Variants in TYW1B observed in about 807,000 individuals in gnomAD.
TYW1B encodes S-adenosyl-L-methionine-dependent tRNA 4-demethylwyosine synthase TYW1B.
A neutral mutation model predicts 86.9 loss-of-function variants in TYW1B; 73 were observed. The observed-to-expected ratio is 0.84, with a 90% CI of 0.70 to 1.02. The LOEUF is 1.02. Ranked by LOEUF, TYW1B falls within the 50% of genes least tolerant of loss-of-function variation. The pLI, the probability that TYW1B is intolerant of heterozygous loss-of-function variation, is 0.00. For missense variants in TYW1B, 637 were observed against 827.4 expected, an observed-to-expected ratio of 0.77 and a Z score of 2.82; for synonymous variants, 248 against 292.8, an observed-to-expected ratio of 0.85 and a Z score of 1.56.
At chr7:72,638,503 A>T (rs1284889206) in intron 11 of TYW1B, among the ~76,000 whole-genome samples, 1 of 152,144 alleles carries the variant, frequency 6.6e-6, no homozygotes. Flanking sequence ...AAACTAGGAA[A>T]ATTTTCTCAA....
intron 13 of TYW1B, among the ~76,000 whole-genome samples, chr7:72,608,312 C>T (rs1334636683): frequency 1.2e-4 from 18 of 152,258 alleles, no homozygotes; most frequent in African/African-American, 3.9e-4. Context: ...TTCTAAGTTA[C>T]CTTTGATAGT....
At chr7:72,695,038 T>C (rs1321733792) in intron 10 of TYW1B, among the ~76,000 whole-genome samples, 6 of 152,234 alleles carry the variant, frequency 3.9e-5, no homozygotes, top group African/African-American at 1.4e-4. Flanking sequence ...CCCTAATACA[T>C]TGAAAATATT....
intron 11 of TYW1B, among the ~76,000 whole-genome samples, chr7:72,663,752 A>G (rs1298986262): frequency 3.0e-5 from 3 of 99,910 alleles, no homozygotes; most frequent in Non-Finnish European, 5.6e-5. Flanking sequence ...AGACAGCAAG[A>G]CTCCATCTCA....
intron 7 of TYW1B, among the ~76,000 whole-genome samples, chr7:72,766,699 G>A (rs1225739515): frequency 1.3e-5 from 2 of 151,168 alleles, no homozygotes; most frequent in African/African-American, 4.9e-5. Context: ...GGTCAAGGCA[G>A]GTGGATCACT....
chr7:72,767,945 A>G (rs558806251), intron 7 of TYW1B, among the ~76,000 whole-genome samples: 2 of 152,222 alleles, frequency 1.3e-5, no homozygotes, highest in Admixed American at 6.5e-5. Flanking sequence ...AGGCCCAAAC[A>G]TAAAAGTTAA....
intron 6 of TYW1B, among the ~76,000 whole-genome samples, chr7:72,784,773 C>T (rs782159512): frequency 2.0e-5 from 3 of 152,198 alleles, no homozygotes; most frequent in Non-Finnish European, 4.4e-5. Flanking sequence ...ACTGGGATTA[C>T]AGGCATAAGC....
chr7:72,602,717 T>A (rs1554433982), intron 13 of TYW1B, among the ~76,000 whole-genome samples: 1 of 152,140 alleles, frequency 6.6e-6, no homozygotes. Flanking sequence ...TGAATTTGTA[T>A]CGCTTTCACA....
chr7:72,771,823 A>G (rs1321883292), intron 7 of TYW1B, among the ~76,000 whole-genome samples: 2 of 151,938 alleles, frequency 1.3e-5, no homozygotes, highest in African/African-American at 4.8e-5. Flanking sequence ...ATCTAATAAT[A>G]TAGACTCAAA....
At chr7:72,763,749 C>A (rs541065396) in intron 7 of TYW1B, among the ~76,000 whole-genome samples, 2 of 152,152 alleles carry the variant, frequency 1.3e-5, no homozygotes, top group Non-Finnish European at 2.9e-5. Context: ...GAATCAAAAT[C>A]CAAAATTGTT....
intron 12 of TYW1B, among the ~76,000 whole-genome samples, chr7:72,622,150 T>A (rs2960923): frequency 0.047 from 7,119 of 152,170 alleles, 481 homozygotes; most frequent in East Asian, 0.32. Context: ...ACATGAAACC[T>A]TTTCACAAGC....
At chr7:72,597,217 T>C (rs1382243359) in intron 13 of TYW1B, among the ~76,000 whole-genome samples, 1 of 151,734 alleles carries the variant, frequency 6.6e-6, no homozygotes, top group African/African-American at 2.4e-5. Context: ...AAATAATTCA[T>C]AGATTGAATA....
chr7:72,589,628 G>C (rs1199854706), intron 13 of TYW1B, among the ~76,000 whole-genome samples: 19 of 152,228 alleles, frequency 1.2e-4, no homozygotes, highest in African/African-American at 4.6e-4. Context: ...TGTAATCCCA[G>C]CATGTTGGGA....
chr7:72,804,615 A>G (rs1788462646), intron 5 of TYW1B, among the ~76,000 whole-genome samples: 1 of 152,214 alleles, frequency 6.6e-6, no homozygotes, highest in Non-Finnish European at 1.5e-5. Flanking sequence ...AGGCAGGAGG[A>G]TCACTTGAGC....
chr7:72,607,444 GAAC>G (rs781932275), intron 13 of TYW1B, among the ~76,000 whole-genome samples: 3 of 143,400 alleles, frequency 2.1e-5, no homozygotes, highest in East Asian at 4.2e-4. Context: ...GGAGGAAGAA[GAAC>G]AAGAACAAGA....
intron 7 of TYW1B, among the ~76,000 whole-genome samples, chr7:72,748,245 G>A (rs1213597354): frequency 6.6e-6 from 1 of 152,054 alleles, no homozygotes; most frequent in African/African-American, 2.4e-5. Flanking sequence ...CTCCAGCCTG[G>A]GTGACAGAGC....
At chr7:72,727,372 T>C (rs1787019364) in intron 9 of TYW1B, among the ~76,000 whole-genome samples, 1 of 152,112 alleles carries the variant, frequency 6.6e-6, no homozygotes, top group African/African-American at 2.4e-5. Context: ...TCACCAGTGG[T>C]AGGTAGAGAC....
intron 7 of TYW1B, among the ~76,000 whole-genome samples, chr7:72,767,084 T>C (rs1229990428): frequency 5.9e-5 from 9 of 152,044 alleles, no homozygotes; most frequent in Non-Finnish European, 1.3e-4. Flanking sequence ...TGAGGAGAGT[T>C]ATCTTGTGTG....
chr7:72,826,883 A>T lies in TYW1B; in HGVS notation c.107T>A (p.Ile36Asn). The change falls in exon 2 of 14, where the codon ATT becomes AAT. Residue 36 changes from isoleucine (I) to asparagine (N), a missense_variant. Physicochemically the swap from Ile to Asn is moderately radical, Grantham distance 149. Coordinates refer to ENST00000620995, the MANE Select transcript of TYW1B (RefSeq NM_001145440.3). ...LGFAVSISLW[I>N]CVQIVIEMQG... is the part of the protein sequence containing the mutation. ...CATCTCGATGACAATCTGGACACAA[A>T]TCCAAAGGCTAATGCTAACAGCAAA... 1 of 1,613,374 alleles carries T rather than the reference A, an allele frequency of 6.2e-7. No individual in the cohort carries two copies. The highest frequency in any genetic ancestry group is 8.5e-7 in the Non-Finnish European group (1 of 1,179,864).
intron 6 of TYW1B, among the ~76,000 whole-genome samples, chr7:72,787,239 A>G (rs572126715): frequency 5.9e-5 from 9 of 152,128 alleles, no homozygotes; most frequent in Non-Finnish European, 1.2e-4. Flanking sequence ...AGGTGGGTGG[A>G]TCACTTGAGA....
Sources: allele counts gnomAD v4.1 joint callset (sites outside exome capture counted in the v4.1 genomes callset), GRCh38; gene constraint gnomAD v4.1.1; transcripts MANE v1.5; gene names NCBI Gene and HGNC (gene_info 2026-07-23, HGNC 2026-07-21).